PKP4: variants seen among roughly 807,000 people sequenced by gnomAD.
The protein encoded by PKP4 is plakophilin 4, also known as plakophilin-4.
A neutral mutation model predicts 145.1 loss-of-function variants in PKP4; 90 were observed. The ratio of observed to expected loss-of-function variants is 0.62; its 90% CI spans 0.52 to 0.74. The LOEUF is 0.74. PKP4 is among the 30% of genes least tolerant of loss of function. The pLI is 0.00. For missense variants in PKP4, 1,340 were observed against 1,482.7 expected (o/e 0.90, Z 1.58); for synonymous variants, 563 against 577.2 (o/e 0.98, Z 0.35).
Position 158,621,044 on chromosome 2 carries a change from A to G in PKP4, c.335A>G (p.Asn112Ser), listed in dbSNP as rs1379074027. 5.6e-6 allele frequency: 9 copies of G among 1,614,090 alleles called. No individual in the cohort carries two copies. In the East Asian group the frequency reaches 1.6e-4, roughly 28 times the overall value. The change falls in exon 5 of 22, where the codon AAC becomes AGC. Residue 112 changes from asparagine (N) to serine (S), a missense_variant. Physicochemically the swap from Asn to Ser is conservative, Grantham distance 46. Transcript: ENST00000389759. ...KPRVSDAVQP[N>S]NYLIRTEPEQ... The stretch of plus-strand genomic sequence containing the variant: ...AGAGTTTCTGACGCTGTCCAGCCCA[A>G]CAACTATCTCATCAGGACAGAGCCA...
In PKP4 at chr2:158,620,576, C is replaced by G. The variant is rs1244335560; in HGVS notation, c.281-414C>G. Among the ~76,000 whole-genome samples the G allele has an allele frequency of 3.9e-5, 6 of 152,166 alleles. No homozygotes were observed. In the East Asian group the frequency reaches 1.2e-3, roughly 29 times the overall value. On this transcript the variant is annotated intron_variant, in intron 4 of 21. Transcript: ENST00000389759. ...TGCTCTACCTTCAGAGGCTTCATCACCAAGCTCAATAATATGAACGTTGTG... is the reference window on the plus strand; with the variant it reads ...TGCTCTACCTTCAGAGGCTTCATCAGCAAGCTCAATAATATGAACGTTGTG...
intron 1 of PKP4, among the ~76,000 whole-genome samples, chr2:158,498,275 A>G (rs1263312562): frequency 1.3e-5 from 2 of 152,158 alleles, no homozygotes; most frequent in Admixed American, 6.5e-5. Context: ...GGCATGTGCT[A>G]CCAGGCCCAG....
intron 1 of PKP4, among the ~76,000 whole-genome samples, chr2:158,531,607 TAC>T (rs1285502336): frequency 6.6e-6 from 1 of 152,200 alleles, no homozygotes; most frequent in Non-Finnish European, 1.5e-5. Context: ...GCATTCCACA[TAC>T]ACTAAAAAAT....
intron 2 of PKP4, among the ~76,000 whole-genome samples, chr2:158,557,679 A>C (rs1261800566): frequency 6.6e-6 from 1 of 152,148 alleles, no homozygotes; most frequent in African/African-American, 2.4e-5. Context: ...TTTTATTGTA[A>C]TGCTTTAGTT....
chr2:158,480,700 G>A (rs1049021756), intron 1 of PKP4, among the ~76,000 whole-genome samples: 16 of 152,020 alleles, frequency 1.1e-4, no homozygotes, highest in African/African-American at 3.9e-4. Context: ...GAATTGAAGT[G>A]CATATTACAA....
chr2:158,595,134 C>A (rs1266377364), intron 3 of PKP4, among the ~76,000 whole-genome samples: 1 of 152,138 alleles, frequency 6.6e-6, no homozygotes, highest in African/African-American at 2.4e-5. Context: ...CCCGGGCAAT[C>A]CTTACCTGAC....
chr2:158,634,299 A>C lies in PKP4; in HGVS notation c.1562+10A>C. ...TTCAGAAGGACCCCAGGCGAGTACC[A>C]GTTAGGAGTCTCTAGAAGGCTACAG... On this transcript the variant is annotated intron_variant, in intron 9 of 21. Transcript: ENST00000389759. The C allele has an allele frequency of 6.2e-7, 1 of 1,609,440 alleles. No individual in the cohort carries two copies. Among genetic ancestry groups the C allele is most frequent in the Non-Finnish European group, 8.5e-7 (1 of 1,176,076 alleles).
chr2:158,592,713 T>C (rs1472795779), intron 3 of PKP4, among the ~76,000 whole-genome samples: 1 of 152,150 alleles, frequency 6.6e-6, no homozygotes, highest in Non-Finnish European at 1.5e-5. Context: ...TAGCAAAGAA[T>C]TCTCTGTGTA....
intron 2 of PKP4, among the ~76,000 whole-genome samples, chr2:158,542,141 A>G (rs1345041837): frequency 2.0e-5 from 3 of 152,164 alleles, no homozygotes; most frequent in Non-Finnish European, 4.4e-5. Context: ...TAGCTGCCTT[A>G]TACACCCCAT....
intron 2 of PKP4, among the ~76,000 whole-genome samples, chr2:158,541,574 A>G (rs909073531): frequency 2.7e-5 from 4 of 147,368 alleles, no homozygotes; most frequent in Non-Finnish European, 6.0e-5. Flanking sequence ...GACAAATAAC[A>G]TCCTATGCAA....
In PKP4 at chr2:158,680,332, TTTAAAAATATGAAGCAGGAAGCCCACA is replaced by T; in HGVS notation, c.3331-92_3331-66del. On this transcript the variant is annotated intron_variant, in intron 21 of 21. Coordinates refer to ENST00000389759, the MANE Select transcript of PKP4 (RefSeq NM_003628.6). ...TTAAACTGCAAATATTGAATATTGC[TTTAAAAATATGAAGCAGGAAGCCCACA>T]TTAATTTTCCTAACACATGTATTTT... 3.3e-6 allele frequency: 3 copies of T among 911,704 alleles called. No individual in the cohort carries two copies. In the South Asian group the frequency reaches 5.1e-5, roughly 15 times the overall value. 56.5% of individuals were successfully genotyped at this position (911,704 alleles called of 1,614,324 possible).
At chr2:158,629,364 G>A (rs1253826317) in intron 7 of PKP4, among the ~76,000 whole-genome samples, 1 of 152,086 alleles carries the variant, frequency 6.6e-6, no homozygotes, top group Non-Finnish European at 1.5e-5. Flanking sequence ...CTGTCAGCTC[G>A]GCAAGGAAGT....
chr2:158,673,762 G>T lies in PKP4; in HGVS notation c.3009+1G>T. 3.1e-6 allele frequency: 5 copies of T among 1,600,560 alleles called. No individual in the cohort carries two copies. Among genetic ancestry groups the T allele is most frequent in the Non-Finnish European group, 4.3e-6 (5 of 1,167,594 alleles). On this transcript the variant is annotated splice_donor_variant, in intron 18 of 21. Coordinates refer to ENST00000389759, the MANE Select transcript of PKP4 (RefSeq NM_003628.6). LOFTEE classifies it high-confidence loss of function. ...GGACCTCCGGAGCATTTATAAAAAG[G>T]TAACCTACAAGAATAGCTCTGGCAT...
At chr2:158,661,564 G>A in intron 13 of PKP4, 114 bp downstream of exon 13, 1 of 707,532 alleles carries the variant, frequency 1.4e-6, no homozygotes. Flanking sequence ...CTCCTCAGGA[G>A]GCCACTCTCC....
At chr2:158,459,486 A>G (rs550038973) in intron 1 of PKP4, among the ~76,000 whole-genome samples, 2 of 152,304 alleles carry the variant, frequency 1.3e-5, no homozygotes, top group African/African-American at 4.8e-5. Context: ...AAAAATAGAA[A>G]AAAATATTTT....
At chr2:158,634,667 CA>C (rs1230711385) in intron 9 of PKP4, among the ~76,000 whole-genome samples, 1 of 152,120 alleles carries the variant, frequency 6.6e-6, no homozygotes, top group Non-Finnish European at 1.5e-5. Context: ...ATAACAGCTT[CA>C]AAAAATGGAT....
intron 1 of PKP4, among the ~76,000 whole-genome samples, chr2:158,522,910 G>T (rs2105574565): frequency 6.6e-6 from 1 of 152,332 alleles, no homozygotes; most frequent in Non-Finnish European, 1.5e-5. Context: ...CCCGAATACT[G>T]CCCTTTTCAG....
chr2:158,558,310 G>A (rs751383808), intron 2 of PKP4, among the ~76,000 whole-genome samples: 1 of 152,102 alleles, frequency 6.6e-6, no homozygotes, highest in Non-Finnish European at 1.5e-5. Flanking sequence ...CTCACCCAGG[G>A]AAAATGTCTA....
At chr2:158,477,786 A>G (rs1172240285) in intron 1 of PKP4, among the ~76,000 whole-genome samples, 1 of 152,170 alleles carries the variant, frequency 6.6e-6, no homozygotes, top group Non-Finnish European at 1.5e-5. Flanking sequence ...TCGAGGCTGC[A>G]GTACACTGTG....
Sources: gnomAD v4.1 joint callset for allele counts (sites outside exome capture counted in the v4.1 genomes callset) on GRCh38, gnomAD v4.1.1 for gene constraint, MANE v1.5 for transcripts, NCBI Gene and HGNC (gene_info 2026-07-23, HGNC 2026-07-21) for gene names.